The following PTPRD variants were observed in gnomAD, a reference collection of about 807,000 sequenced individuals.
PTPRD encodes the protein protein tyrosine phosphatase receptor type D.
A neutral mutation model predicts 214.5 loss-of-function variants in PTPRD; 34 were observed. The ratio of observed to expected loss-of-function variants is 0.16; its 90% CI spans 0.12 to 0.21. PTPRD has a LOEUF of 0.21. Ranked by LOEUF, PTPRD falls within the 10% of genes least tolerant of loss-of-function variation. The pLI is 1.00. For synonymous variants in PTPRD, 1,128 were observed against 845.7 expected (o/e 1.33, Z -5.79); for missense variants, 2,545 against 2,398.7 (o/e 1.06, Z -1.27).
intron 11 of PTPRD, among the ~76,000 whole-genome samples, chr9:9,016,443 G>A (rs935054481): frequency 6.6e-6 from 1 of 152,070 alleles, no homozygotes; most frequent in Non-Finnish European, 1.5e-5. Flanking sequence ...GGGACAAACA[G>A]ATATTCCTTA....
chr9:9,219,135 A>G (rs1374997884), intron 9 of PTPRD, among the ~76,000 whole-genome samples: 1 of 152,134 alleles, frequency 6.6e-6, no homozygotes, highest in Non-Finnish European at 1.5e-5. Context: ...TTTAGATTTC[A>G]ATGTACAGAT....
chr9:10,030,444 C>T (rs1567191580), intron 4 of PTPRD, among the ~76,000 whole-genome samples: 1 of 152,058 alleles, frequency 6.6e-6, no homozygotes, highest in Non-Finnish European at 1.5e-5. Context: ...AGAAATAAGG[C>T]CTTAGGAGTA....
chr9:9,220,085 T>C lies in PTPRD; in HGVS notation c.-202-36722A>G, dbSNP rs2099954824. Among the ~76,000 whole-genome samples the C allele has an allele frequency of 1.3e-5, 2 of 152,018 alleles. 1 individual carries two copies. Among genetic ancestry groups the C allele is most frequent in the South Asian group, 4.1e-4 (2 of 4,824 alleles). ...TTAGAGAAGTTTACTTAGAGAAAAA[T>C]GGGAGAAAATGCTGTGAACCTTTTC... On this transcript the variant is annotated intron_variant, in intron 9 of 45. Coordinates refer to ENST00000381196, the MANE Select transcript of PTPRD (RefSeq NM_002839.4).
intron 2 of PTPRD, among the ~76,000 whole-genome samples, chr9:10,347,480 G>A (rs1046189982): frequency 2.8e-5 from 4 of 144,914 alleles, no homozygotes; most frequent in African/African-American, 1.0e-4. Context: ...GCACAATCTC[G>A]GCTCACTGCA....
At chr9:9,947,374 T>A (rs10978125) in intron 4 of PTPRD, among the ~76,000 whole-genome samples, 1,280 of 50,870 alleles carry the variant, frequency 0.025, 39 homozygotes, top group Admixed American at 0.041. Flanking sequence ...TATATATATA[T>A]TATATATATT....
chr9:10,036,800 TC>T (rs2097191230), intron 3 of PTPRD, among the ~76,000 whole-genome samples: 1 of 152,086 alleles, frequency 6.6e-6, no homozygotes, highest in South Asian at 2.1e-4. Context: ...GCCAGGATGG[TC>T]TCGATCTCTT....
At chr9:8,337,786 T>G (rs1848449589) in intron 43 of PTPRD, among the ~76,000 whole-genome samples, 1 of 152,124 alleles carries the variant, frequency 6.6e-6, no homozygotes, top group African/African-American at 2.4e-5. Context: ...TGCCTTTTCT[T>G]TATCACCAGG....
chr9:10,447,901 C>G (rs182481045), intron 2 of PTPRD, among the ~76,000 whole-genome samples: 114 of 152,170 alleles, frequency 7.5e-4, no homozygotes, highest in Admixed American at 4.6e-3. Context: ...AACTTGAAAT[C>G]AAGCACAACC....
chr9:9,642,964 A>C (rs189235278), intron 7 of PTPRD, among the ~76,000 whole-genome samples: 1 of 152,192 alleles, frequency 6.6e-6, no homozygotes. Context: ...AATACCTTCA[A>C]CTGTCTTTAA....
chr9:8,373,713 T>G (rs998520762), intron 39 of PTPRD, among the ~76,000 whole-genome samples: 2 of 151,608 alleles, frequency 1.3e-5, no homozygotes, highest in Admixed American at 1.3e-4. Context: ...ATTTGCTATT[T>G]GCTTGCAAAC....
At chr9:10,066,847 A>G (rs183432176) in intron 3 of PTPRD, among the ~76,000 whole-genome samples, 238 of 151,930 alleles carry the variant, frequency 1.6e-3, no homozygotes, top group African/African-American at 5.2e-3. Flanking sequence ...TATTCTCACA[A>G]TATTTGTACT....
At chr9:8,634,960 A>G (rs1241405563) in intron 13 of PTPRD, among the ~76,000 whole-genome samples, 1 of 151,172 alleles carries the variant, frequency 6.6e-6, no homozygotes. Context: ...CATACTTAGC[A>G]CTGGGGATAG....
chr9:9,305,409 G>A lies in PTPRD; in HGVS notation c.-203+92040C>T, dbSNP rs149978285. On this transcript the variant is annotated intron_variant, in intron 9 of 45. Coordinates refer to ENST00000381196, the MANE Select transcript of PTPRD (RefSeq NM_002839.4). ...CTATTTAGTGTGAGGCACTGTATAA[G>A]GTCTTAATTGGAATACAGATGTTAT... is the stretch of plus-strand genomic sequence containing the variant. Among the ~76,000 whole-genome samples the A allele has an allele frequency of 8.9e-3, 1,359 of 152,038 alleles. 21 individuals are homozygous for A. The highest frequency in any genetic ancestry group is 0.031 in the African/African-American group (1,277 of 41,478).
chr9:8,648,260 A>G (rs1348325390), intron 12 of PTPRD, among the ~76,000 whole-genome samples: 2 of 152,202 alleles, frequency 1.3e-5, no homozygotes, highest in Non-Finnish European at 2.9e-5. Context: ...CTTTTTATTT[A>G]ATAAACAGTC....
intron 8 of PTPRD, among the ~76,000 whole-genome samples, chr9:9,470,407 A>C (rs964005699): frequency 2.6e-5 from 4 of 152,212 alleles, no homozygotes; most frequent in African/African-American, 9.6e-5. Context: ...AGTCAATATC[A>C]CATTAAAGAA....
intron 2 of PTPRD, among the ~76,000 whole-genome samples, chr9:10,379,148 A>AT (rs148495740): frequency 0.043 from 6,526 of 150,960 alleles, 165 homozygotes; most frequent in South Asian, 0.12. Flanking sequence ...AATGCTACTG[A>AT]TTTTTTTTAA....
At position 9,847,201 on chromosome 9, in the gene PTPRD, T is replaced by A. The variant is rs565935719; in HGVS notation, c.-367-80350A>T. ...GTTTTTCTTTGTCCCTGTACATGAT[T>A]AAAAATAAACAACCAAATCACATTT... On this transcript the variant is annotated intron_variant, in intron 5 of 45. Coordinates refer to ENST00000381196, the MANE Select transcript of PTPRD (RefSeq NM_002839.4). Among the ~76,000 whole-genome samples the A allele has an allele frequency of 4.2e-4, 64 of 152,242 alleles. No individual in the cohort carries two copies. The East Asian group carries it at 0.012, about 29-fold the overall frequency.
intron 10 of PTPRD, among the ~76,000 whole-genome samples, chr9:9,042,836 A>G (rs938094877): frequency 6.6e-6 from 1 of 152,062 alleles, no homozygotes; most frequent in East Asian, 1.9e-4. Context: ...ACTTTGAGTC[A>G]GGGATTATTG....
At chr9:10,113,461 C>G (rs1239475526) in intron 3 of PTPRD, among the ~76,000 whole-genome samples, 3 of 152,132 alleles carry the variant, frequency 2.0e-5, no homozygotes, top group Non-Finnish European at 4.4e-5. Flanking sequence ...ACACCAACCT[C>G]CAACTTCAGA....
Sources: allele counts gnomAD v4.1 joint callset (sites outside exome capture counted in the v4.1 genomes callset), GRCh38; gene constraint gnomAD v4.1.1; transcripts MANE v1.5; gene names NCBI Gene and HGNC (gene_info 2026-07-23, HGNC 2026-07-21).